TTC6: variants seen among roughly 807,000 people sequenced by gnomAD.
TTC6 encodes the protein tetratricopeptide repeat protein 6.
In TTC6, 172 loss-of-function variants were observed where a neutral mutation model predicts 210.4. The ratio of observed to expected loss-of-function variants is 0.82; its 90% CI spans 0.72 to 0.93. The LOEUF is 0.93. Ranked by LOEUF, TTC6 falls within the 40% of genes least tolerant of loss-of-function variation. The pLI, the probability that TTC6 is intolerant of heterozygous loss-of-function variation, is 0.00. For missense variants in TTC6, 2,414 were observed against 2,318.1 expected, an observed-to-expected ratio of 1.04 and a Z score of -0.85; for synonymous variants, 804 against 819.6, an observed-to-expected ratio of 0.98 and a Z score of 0.32.
At chr14:37,722,906 G>GGT (rs2095864634) in intron 6 of TTC6, among the ~76,000 whole-genome samples, 1 of 152,036 alleles carries the variant, frequency 6.6e-6, no homozygotes, top group Non-Finnish European at 1.5e-5. Context: ...CCTCTTTGAG[G>GGT]GTAGAGTGTC....
intron 1 of TTC6, among the ~76,000 whole-genome samples, chr14:37,627,972 T>G (rs2095663174): frequency 1.3e-5 from 2 of 152,132 alleles, no homozygotes. Context: ...TCCTGACTTG[T>G]TTTTGTTTTT....
At chr14:37,667,568 T>C (rs2095750597) in intron 1 of TTC6, among the ~76,000 whole-genome samples, 1 of 150,750 alleles carries the variant, frequency 6.6e-6, no homozygotes, top group African/African-American at 2.4e-5. Context: ...CCAAACATGT[T>C]TGAATCCCAT....
intron 14 of TTC6, among the ~76,000 whole-genome samples, chr14:37,761,144 G>A (rs974172624): frequency 2.0e-5 from 3 of 152,134 alleles, no homozygotes; most frequent in East Asian, 1.9e-4. Context: ...TCCTTGTGGT[G>A]TAGGCACACA....
exon 11 of TTC6, chr14:37,749,054 G>T (rs774803552): frequency 6.5e-7 from 1 of 1,535,576 alleles, no homozygotes; most frequent in Non-Finnish European, 8.7e-7. Flanking sequence ...TGAAAAATTC[G>T]TCCAAGCTAA....
chr14:37,640,144 C>T (rs1431751342), intron 1 of TTC6, among the ~76,000 whole-genome samples: 1 of 151,554 alleles, frequency 6.6e-6, no homozygotes, highest in African/African-American at 2.4e-5. Flanking sequence ...GTGTTTTTTT[C>T]AAGATTAGAA....
chr14:37,622,616 G>A, exon 1 of TTC6: 1 of 1,534,992 alleles, frequency 6.5e-7, no homozygotes, highest in Non-Finnish European at 8.7e-7. Context: ...TGGGAAGGGA[G>A]CGCGAACAGA....
chr14:37,616,563 G>A (rs1208440370), intron 2 of TTC6, among the ~76,000 whole-genome samples: 1 of 152,120 alleles, frequency 6.6e-6, no homozygotes, highest in African/African-American at 2.4e-5. Context: ...CAGGCATGGT[G>A]GCGGGTCTCT....
exon 7 of TTC6, chr14:37,724,919 A>G (rs1236553018): frequency 4.6e-6 from 7 of 1,525,614 alleles, no homozygotes; most frequent in Non-Finnish European, 6.1e-6. Context: ...TCCAGAATTC[A>G]CGAAGTTGTT....
intron 14 of TTC6, among the ~76,000 whole-genome samples, chr14:37,780,039 C>T (rs184471684): frequency 6.6e-5 from 10 of 151,972 alleles, no homozygotes; most frequent in Non-Finnish European, 1.0e-4. Flanking sequence ...AATGCAAAAG[C>T]GAGTCTGTTT....
At chr14:37,730,402 A>T (rs773862420) in intron 7 of TTC6, among the ~76,000 whole-genome samples, 31 of 152,178 alleles carry the variant, frequency 2.0e-4, no homozygotes, top group Non-Finnish European at 1.8e-4. Context: ...CAGAATTTAT[A>T]TCCTTTCCAT....
At chr14:37,648,084 T>G (rs1372307675) in intron 1 of TTC6, among the ~76,000 whole-genome samples, 1 of 152,190 alleles carries the variant, frequency 6.6e-6, no homozygotes. Flanking sequence ...GGATGCATTT[T>G]CTATTTGCAT....
chr14:37,736,375 T>C (rs1570402), intron 8 of TTC6, among the ~76,000 whole-genome samples: 96,450 of 152,018 alleles, frequency 0.63, 31,849 homozygotes, highest in East Asian at 0.9. Context: ...TTAGTACTTC[T>C]TCATTTTGGA....
intron 1 of TTC6, among the ~76,000 whole-genome samples, chr14:37,626,600 G>A (rs1427952618): frequency 6.6e-6 from 1 of 152,168 alleles, no homozygotes; most frequent in African/African-American, 2.4e-5. Flanking sequence ...AACGTGAATA[G>A]CAGAAGACAG....
intron 16 of TTC6, among the ~76,000 whole-genome samples, chr14:37,791,783 G>A (rs1012766581): frequency 6.6e-6 from 1 of 152,248 alleles, no homozygotes; most frequent in East Asian, 1.9e-4. Context: ...AAAATCAGTT[G>A]ATTTTAAGAG....
intron 1 of TTC6, among the ~76,000 whole-genome samples, chr14:37,604,455 TC>T (rs1159539673): frequency 6.6e-6 from 1 of 151,966 alleles, no homozygotes; most frequent in African/African-American, 2.4e-5. Context: ...TGTCCCTTCC[TC>T]CCCCTAGGCG....
chr14:37,709,518 A>G (rs574053699), intron 5 of TTC6, among the ~76,000 whole-genome samples: 2 of 152,194 alleles, frequency 1.3e-5, no homozygotes, highest in South Asian at 2.1e-4. Flanking sequence ...TTTACTTGGA[A>G]ATACCCAAAA....
At chr14:37,639,022 C>G (rs993088505) in intron 1 of TTC6, among the ~76,000 whole-genome samples, 3 of 152,090 alleles carry the variant, frequency 2.0e-5, no homozygotes, top group Admixed American at 1.3e-4. Flanking sequence ...ATACGTTTTT[C>G]TTTGTAAAAA....
chr14:37,615,607 TA>T (rs1217313462), intron 2 of TTC6, among the ~76,000 whole-genome samples: 8 of 152,234 alleles, frequency 5.3e-5, no homozygotes, highest in Admixed American at 2.6e-4. Flanking sequence ...TTTCTATTTT[TA>T]TTTTTTTAAT....
At chr14:37,622,299 C>A (rs1163721359) in exon 1 of TTC6, 1 of 1,534,900 alleles carries the variant, frequency 6.5e-7, no homozygotes, top group Non-Finnish European at 8.7e-7. Flanking sequence ...ATACCCTTCG[C>A]TTAAAGGCCC....
Sources: gnomAD v4.1 joint callset for allele counts (sites outside exome capture counted in the v4.1 genomes callset) on GRCh38, gnomAD v4.1.1 for gene constraint, MANE v1.5 for transcripts, NCBI Gene and HGNC (gene_info 2026-07-23, HGNC 2026-07-21) for gene names.